The following TRHDE variants were observed in gnomAD, a reference collection of about 807,000 sequenced individuals.
The protein encoded by TRHDE is thyrotropin releasing hormone degrading enzyme, also known as thyrotropin-releasing hormone-degrading ectoenzyme.
Under a neutral mutation model 125.7 loss-of-function variants are expected in TRHDE, and 72 were observed. The ratio of observed to expected loss-of-function variants is 0.57; its 90% CI spans 0.47 to 0.70. The LOEUF (loss-of-function observed/expected upper bound fraction) is 0.70, where lower values mean the gene tolerates loss of function less well. Among genes scored for constraint, TRHDE ranks in the 30% least tolerant of loss-of-function variants. The pLI is 0.00. For missense variants in TRHDE, 1,110 were observed against 1,327.1 expected (o/e 0.84, Z 2.54); for synonymous variants, 509 against 509.1 (o/e 1.00, Z 0.00).
At chr12:72,446,393 A>G (rs1350674100) in intron 3 of TRHDE, among the ~76,000 whole-genome samples, 1 of 152,028 alleles carries the variant, frequency 6.6e-6, no homozygotes, top group African/African-American at 2.4e-5. Context: ...AGTACCAGCC[A>G]CTGCAAAAAC....
At chr12:72,499,946 A>G (rs923716977) in intron 6 of TRHDE, among the ~76,000 whole-genome samples, 1 of 152,190 alleles carries the variant, frequency 6.6e-6, no homozygotes, top group African/African-American at 2.4e-5. Flanking sequence ...ATTATTATTA[A>G]TAAGAGGGCT....
intron 7 of TRHDE, among the ~76,000 whole-genome samples, chr12:72,543,827 T>G (rs935635337): frequency 6.9e-6 from 1 of 145,366 alleles, no homozygotes; most frequent in African/African-American, 2.5e-5. Context: ...TTATTATTAT[T>G]ATTATGAACG....
intron 3 of TRHDE, among the ~76,000 whole-genome samples, chr12:72,442,387 C>T (rs1213592111): frequency 6.6e-6 from 1 of 151,814 alleles, no homozygotes; most frequent in East Asian, 1.9e-4. Flanking sequence ...ACTTCTTTAC[C>T]ACTTAGTCAC....
intron 2 of TRHDE, among the ~76,000 whole-genome samples, chr12:72,323,886 A>G (rs1869216970): frequency 6.6e-6 from 1 of 152,082 alleles, no homozygotes. Context: ...TCTGGCTGGT[A>G]GAGATGGCAG....
intron 2 of TRHDE, among the ~76,000 whole-genome samples, chr12:72,210,732 A>G (rs1263681825): frequency 6.6e-6 from 1 of 152,224 alleles, no homozygotes; most frequent in Admixed American, 6.5e-5. Flanking sequence ...ACTTTGAACA[A>G]GAAACATTTT....
At chr12:72,647,132 A>G (rs1420038943) in intron 15 of TRHDE, among the ~76,000 whole-genome samples, 2 of 152,082 alleles carry the variant, frequency 1.3e-5, no homozygotes, top group Non-Finnish European at 2.9e-5. Flanking sequence ...CTTTTCCTAA[A>G]CAAAATGAAG....
intron 5 of TRHDE, among the ~76,000 whole-genome samples, chr12:72,487,422 C>T (rs1382980834): frequency 6.6e-6 from 1 of 152,066 alleles, no homozygotes; most frequent in Non-Finnish European, 1.5e-5. Context: ...AGGAGACCTC[C>T]ATTAGACTAT....
intron 15 of TRHDE, among the ~76,000 whole-genome samples, chr12:72,627,075 C>T (rs1298546640): frequency 1.3e-5 from 2 of 151,888 alleles, no homozygotes; most frequent in Non-Finnish European, 2.9e-5. Context: ...TATGGAATAG[C>T]AAAAAGAACA....
intron 13 of TRHDE, 27 bp downstream of exon 13, chr12:72,619,065 A>T: frequency 6.7e-7 from 1 of 1,487,056 alleles, no homozygotes; most frequent in Non-Finnish European, 9.0e-7. Flanking sequence ...TTTCTTTCTA[A>T]TTTTTAGAAG....
chr12:72,381,394 AG>A lies in TRHDE; in HGVS notation c.1315+3274del, dbSNP rs1207817204. Among the ~76,000 whole-genome samples the A allele has an allele frequency of 4.7e-5, 7 of 149,504 alleles. No individual in the cohort carries two copies. In the South Asian group the frequency reaches 1.3e-3, roughly 27 times the overall value. On this transcript the variant is annotated intron_variant, in intron 3 of 18. Coordinates refer to ENST00000261180, the MANE Select transcript of TRHDE (RefSeq NM_013381.3). ...GATATATATTGAAAGTAGATACGAA[AG>A]TTTTTTTTTTTTTTTTTTGAGACGG... is the stretch of plus-strand genomic sequence containing the variant.
intron 1 of TRHDE, among the ~76,000 whole-genome samples, chr12:72,088,609 C>CAGCATAAAATTGCTGCGCCATT (rs568132623): frequency 5.7e-4 from 87 of 152,126 alleles, no homozygotes; most frequent in African/African-American, 2.0e-3. Flanking sequence ...CCTCGGTTCT[C>CAGCATAAAATTGCTGCGCCATT]TCATCTGTAA....
chr12:72,240,337 A>G (rs1298338305), intron 2 of TRHDE, among the ~76,000 whole-genome samples: 2 of 146,560 alleles, frequency 1.4e-5, no homozygotes, highest in East Asian at 2.0e-4. Flanking sequence ...ATTTGTGTGT[A>G]TATATATATA....
intron 12 of TRHDE, among the ~76,000 whole-genome samples, chr12:72,614,407 T>C (rs1429728049): frequency 6.6e-6 from 1 of 150,860 alleles, no homozygotes; most frequent in East Asian, 1.9e-4. Context: ...TCCCTTTTAT[T>C]CTATGGTACA....
chr12:72,649,648 G>C (rs890833444), intron 15 of TRHDE, among the ~76,000 whole-genome samples: 10 of 151,998 alleles, frequency 6.6e-5, no homozygotes, highest in African/African-American at 2.4e-4. Flanking sequence ...ATCTGAATAA[G>C]GGTTTATCTC....
intron 2 of TRHDE, among the ~76,000 whole-genome samples, chr12:72,133,742 A>G (rs1279354309): frequency 6.6e-6 from 1 of 152,080 alleles, no homozygotes; most frequent in East Asian, 1.9e-4. Context: ...TGGGTTCTCT[A>G]TGGAATATTT....
chr12:72,155,094 T>G (rs1055672662), intron 2 of TRHDE, among the ~76,000 whole-genome samples: 30 of 152,212 alleles, frequency 2.0e-4, no homozygotes, highest in African/African-American at 7.2e-4. Context: ...TGTTCATTTC[T>G]TTTTATTCTT....
At position 72,582,817 on chromosome 12, in the gene TRHDE, G is replaced by C. The variant is rs1871293041; in HGVS notation, c.2321+7275G>C. ...AAACTGCCATGAAAAACCTGATTAA[G>C]GATCCTAGATCCCTCTAATATCCTG... On this transcript the variant is annotated intron_variant, in intron 12 of 18. Transcript: ENST00000261180. 2.0e-5 allele frequency among the ~76,000 whole-genome samples: 3 copies of C among 152,174 alleles called. No individual in the cohort carries two copies. In the South Asian group the frequency reaches 6.2e-4, roughly 32 times the overall value.
intron 9 of TRHDE, among the ~76,000 whole-genome samples, chr12:72,564,188 T>A (rs958493039): frequency 8.6e-5 from 13 of 151,738 alleles, no homozygotes; most frequent in African/African-American, 3.2e-4. Flanking sequence ...CTGTGTAGAC[T>A]CATGGATTGT....
chr12:72,633,101 T>C (rs1025710124), intron 15 of TRHDE, among the ~76,000 whole-genome samples: 7 of 152,014 alleles, frequency 4.6e-5, no homozygotes, highest in African/African-American at 1.7e-4. Flanking sequence ...AAAAAGTAAT[T>C]TCATATATAT....
Sources: allele counts gnomAD v4.1 joint callset (sites outside exome capture counted in the v4.1 genomes callset), GRCh38; gene constraint gnomAD v4.1.1; transcripts MANE v1.5; gene names NCBI Gene and HGNC (gene_info 2026-07-23, HGNC 2026-07-21).